Variants in MACROD2 observed in about 807,000 individuals in gnomAD.
MACROD2 encodes the protein mono-ADP ribosylhydrolase 2.
MACROD2 carries 36 observed loss-of-function variants against 70.4 expected under a neutral mutation model. The ratio of observed to expected loss-of-function variants is 0.51; its 90% CI spans 0.39 to 0.68. The LOEUF (loss-of-function observed/expected upper bound fraction) is 0.68, where lower values mean the gene tolerates loss of function less well. Ranked by LOEUF, MACROD2 falls within the 30% of genes least tolerant of loss-of-function variation. MACROD2 has a pLI of 0.00. For missense variants in MACROD2, 496 were observed against 538.4 expected (o/e 0.92, Z 0.78); for synonymous variants, 172 against 178.8 (o/e 0.96, Z 0.30).
chr20:14,721,099 C>T (rs1023422120), intron 5 of MACROD2, among the ~76,000 whole-genome samples: 1 of 151,122 alleles, frequency 6.6e-6, no homozygotes, highest in African/African-American at 2.4e-5. Context: ...TACTAAAATA[C>T]AAAAAGTTAG....
chr20:14,011,131 T>G (rs970321038), intron 2 of MACROD2, among the ~76,000 whole-genome samples: 1 of 152,156 alleles, frequency 6.6e-6, no homozygotes, highest in African/African-American at 2.4e-5. Context: ...GTAGACCACT[T>G]TGATATTTGT....
At chr20:15,215,542 G>A (rs980319278) in intron 5 of MACROD2, among the ~76,000 whole-genome samples, 3 of 151,742 alleles carry the variant, frequency 2.0e-5, no homozygotes, top group African/African-American at 7.3e-5. Context: ...ATAAAACCCT[G>A]ATGAAAATAC....
chr20:15,451,851 G>T (rs897692892), intron 7 of MACROD2, among the ~76,000 whole-genome samples: 1 of 152,086 alleles, frequency 6.6e-6, no homozygotes, highest in African/African-American at 2.4e-5. Flanking sequence ...CCTTCCTTGG[G>T]GCCCACCAGG....
At chr20:14,865,441 T>G (rs1246441317) in intron 5 of MACROD2, among the ~76,000 whole-genome samples, 1 of 152,096 alleles carries the variant, frequency 6.6e-6, no homozygotes, top group Non-Finnish European at 1.5e-5. Context: ...CTGTGTTAAA[T>G]TCCCTTAAGT....
chr20:14,179,531 T>C (rs1164734104), intron 3 of MACROD2, among the ~76,000 whole-genome samples: 2 of 152,202 alleles, frequency 1.3e-5, no homozygotes, highest in Non-Finnish European at 2.9e-5. Flanking sequence ...CATTGATTGA[T>C]TCACTCATTT....
intron 4 of MACROD2, among the ~76,000 whole-genome samples, chr20:14,654,915 G>T (rs6135216): frequency 1.3e-5 from 2 of 152,002 alleles, no homozygotes; most frequent in East Asian, 1.9e-4. Context: ...TAACATCTTA[G>T]GCAAAATGGA....
At chr20:15,564,027 T>C (rs984551378) in intron 8 of MACROD2, among the ~76,000 whole-genome samples, 3 of 152,186 alleles carry the variant, frequency 2.0e-5, no homozygotes, top group Non-Finnish European at 4.4e-5. Flanking sequence ...CTAAACTTCC[T>C]TATGCCCAGA....
chr20:16,027,051 CT>C (rs1420782745), intron 15 of MACROD2, among the ~76,000 whole-genome samples: 6 of 152,232 alleles, frequency 3.9e-5, no homozygotes, highest in Admixed American at 3.9e-4. Flanking sequence ...TGTGATATTG[CT>C]TTGTGAAAAT....
At chr20:16,044,803 T>A (rs2067358128) in intron 17 of MACROD2, among the ~76,000 whole-genome samples, 164 bp downstream of exon 17, 1 of 152,090 alleles carries the variant, frequency 6.6e-6, no homozygotes, top group Non-Finnish European at 1.5e-5. Flanking sequence ...GGGGAAACGA[T>A]CACCCCTAGA....
chr20:15,438,892 A>C (rs1272706572), intron 7 of MACROD2, among the ~76,000 whole-genome samples: 2 of 152,214 alleles, frequency 1.3e-5, no homozygotes, highest in African/African-American at 2.4e-5. Flanking sequence ...TTGATTGGCA[A>C]AATAACAGGT....
chr20:14,569,946 C>T (rs1237681396), intron 4 of MACROD2, among the ~76,000 whole-genome samples: 1 of 151,930 alleles, frequency 6.6e-6, no homozygotes, highest in Admixed American at 6.6e-5. Flanking sequence ...GAAGTTCTAC[C>T]ACATCAGAAA....
At chr20:15,770,911 G>C (rs1273873726) in intron 8 of MACROD2, among the ~76,000 whole-genome samples, 3 of 152,136 alleles carry the variant, frequency 2.0e-5, no homozygotes, top group Non-Finnish European at 4.4e-5. Context: ...CCAATCTGCT[G>C]ACATTCCATT....
At chr20:15,562,969 G>A (rs529527453) in intron 8 of MACROD2, among the ~76,000 whole-genome samples, 5 of 152,152 alleles carry the variant, frequency 3.3e-5, no homozygotes, top group Non-Finnish European at 7.3e-5. Flanking sequence ...CGTACAGTTT[G>A]AGCAGAATAC....
At chr20:15,838,487 CAACTT>C (rs2064137495) in intron 8 of MACROD2, among the ~76,000 whole-genome samples, 1 of 152,156 alleles carries the variant, frequency 6.6e-6, no homozygotes, top group African/African-American at 2.4e-5. Context: ...CAGATCACTG[CAACTT>C]AACTTTGTGA....
intron 1 of MACROD2, among the ~76,000 whole-genome samples, chr20:14,000,296 A>C (rs1296173544): frequency 6.6e-6 from 1 of 152,064 alleles, no homozygotes; most frequent in Non-Finnish European, 1.5e-5. Flanking sequence ...ATTTTTGTGA[A>C]TATGTCACCT....
At chr20:15,785,014 T>C (rs1402885118) in intron 8 of MACROD2, among the ~76,000 whole-genome samples, 4 of 151,206 alleles carry the variant, frequency 2.6e-5, no homozygotes, top group Non-Finnish European at 5.9e-5. Context: ...TAGCCGGGCA[T>C]GGTGGCGGGC....
intron 16 of MACROD2, among the ~76,000 whole-genome samples, chr20:16,042,357 G>A (rs1246363209): frequency 2.0e-5 from 3 of 152,010 alleles, no homozygotes; most frequent in Admixed American, 6.6e-5. Context: ...TGATGCTACA[G>A]ACATGGTTCT....
intron 5 of MACROD2, among the ~76,000 whole-genome samples, chr20:15,043,126 G>A (rs548816266): frequency 6.6e-6 from 1 of 152,282 alleles, no homozygotes; most frequent in Admixed American, 6.5e-5. Context: ...TGCTTTGGTG[G>A]CTTGCTTAGG....
chr20:14,165,541 G>T (rs1256209478), intron 3 of MACROD2, among the ~76,000 whole-genome samples: 2 of 152,162 alleles, frequency 1.3e-5, no homozygotes, highest in African/African-American at 4.8e-5. Context: ...AAGAGTACCA[G>T]ATGCATCTAG....
Sources: allele counts gnomAD v4.1 joint callset (sites outside exome capture counted in the v4.1 genomes callset), GRCh38; gene constraint gnomAD v4.1.1; transcripts MANE v1.5; gene names NCBI Gene and HGNC (gene_info 2026-07-23, HGNC 2026-07-21).